COX6B1: variants seen among roughly 807,000 people sequenced by gnomAD.
COX6B1 encodes COX VIb-1.
COX6B1 carries 2 observed loss-of-function variants against 14.0 expected under a neutral mutation model. That is an observed-to-expected ratio of 0.14 (90% CI 0.06 to 0.45). The LOEUF (loss-of-function observed/expected upper bound fraction) is 0.45, where lower values mean the gene tolerates loss of function less well. Among genes scored for constraint, COX6B1 ranks in the 20% least tolerant of loss-of-function variants. The pLI is 0.98. For missense variants in COX6B1, 81 were observed against 114.2 expected, an observed-to-expected ratio of 0.71 and a Z score of 1.33; for synonymous variants, 30 against 39.7, an observed-to-expected ratio of 0.76 and a Z score of 0.92.
chr19:35,652,725 C>T (rs1419536542), intron 2 of COX6B1, among the ~76,000 whole-genome samples: 1 of 151,662 alleles, frequency 6.6e-6, no homozygotes, highest in African/African-American at 2.4e-5. Flanking sequence ...GAATTACAGG[C>T]GTGAGCCACT....
chr19:35,653,135 T>C (rs1474279886), intron 2 of COX6B1, among the ~76,000 whole-genome samples: 10 of 143,124 alleles, frequency 7.0e-5, no homozygotes, highest in Admixed American at 4.2e-4. Context: ...GCCTGGCTAA[T>C]TTTTTTTTTT....
chr19:35,651,783 T>G (rs1967827142), intron 2 of COX6B1, among the ~76,000 whole-genome samples: 1 of 151,976 alleles, frequency 6.6e-6, no homozygotes, highest in Non-Finnish European at 1.5e-5. Flanking sequence ...CAGGCTGGTC[T>G]CAAACTCTTG....
chr19:35,656,346 A>G lies in COX6B1; in HGVS notation c.207+1675A>G, dbSNP rs549848572. 2.6e-5 allele frequency among the ~76,000 whole-genome samples: 4 copies of G among 152,326 alleles called. No homozygotes were observed. The East Asian group carries it at 7.7e-4, about 29-fold the overall frequency. ...CAGAAAGAATGCTAAGACACAGGAA[A>G]AGTAAGTTGCAGAACAATCTATATA... On this transcript the variant is annotated intron_variant, in intron 3 of 3. Coordinates refer to ENST00000649813, the MANE Select transcript of COX6B1 (RefSeq NM_001863.5).
chr19:35,648,762 A>G, intron 1 of COX6B1: 1 of 502,348 alleles, frequency 2.0e-6, no homozygotes, highest in Non-Finnish European at 4.1e-6. Context: ...CTTCATGGCT[A>G]ATTCACAGGC....
chr19:35,657,223 G>T lies in COX6B1; in HGVS notation c.208-1371G>T, dbSNP rs886498578. On this transcript the variant is annotated intron_variant, in intron 3 of 3. Transcript: ENST00000649813. ...TGCAACTAGATGGTCCCATCTGGGG[G>T]TGATGGGAGATAGTGACAGATCATC... 2.6e-5 allele frequency among the ~76,000 whole-genome samples: 4 copies of T among 151,652 alleles called. No homozygotes were observed. The Admixed American group carries it at 2.6e-4, about 10-fold the overall frequency.
chr19:35,657,661 T>TC (rs1474371805), intron 3 of COX6B1, among the ~76,000 whole-genome samples: 61 of 149,268 alleles, frequency 4.1e-4, no homozygotes, highest in Non-Finnish European at 8.3e-4. Flanking sequence ...TTTTTTTTTT[T>TC]TTTTTTTTTT....
intron 3 of COX6B1, among the ~76,000 whole-genome samples, chr19:35,655,579 G>A (rs147124613): frequency 7.3e-5 from 11 of 151,200 alleles, no homozygotes; most frequent in African/African-American, 2.2e-4. Flanking sequence ...CAAATCTGTC[G>A]TCAATATTTA....
chr19:35,648,439 T>G (rs1327940767), intron 1 of COX6B1, 36 bp downstream of exon 1: 3 of 203,192 alleles, frequency 1.5e-5, no homozygotes, highest in African/African-American at 7.1e-5. Context: ...GGGACCCCAG[T>G]CTAGCGGGCT....
chr19:35,649,733 G>T (rs955683751), intron 1 of COX6B1, among the ~76,000 whole-genome samples: 1 of 151,884 alleles, frequency 6.6e-6, no homozygotes, highest in Admixed American at 6.6e-5. Flanking sequence ...ACCCACCTCG[G>T]CTTCCCAAAG....
chr19:35,648,850 G>A (rs1967789956), intron 1 of COX6B1: 1 of 533,362 alleles, frequency 1.9e-6, no homozygotes, highest in Non-Finnish European at 3.8e-6. Context: ...ACGTTGGAGG[G>A]GCCGCAGCGT....
chr19:35,648,802 G>C (rs896715963), intron 1 of COX6B1: 1 of 530,646 alleles, frequency 1.9e-6, no homozygotes, highest in African/African-American at 1.9e-5. Flanking sequence ...CTGGGCCGCA[G>C]CCTGGCTCCC....
At chr19:35,651,400 C>G in intron 2 of COX6B1, 51 bp downstream of exon 2, 1 of 1,428,120 alleles carries the variant, frequency 7.0e-7, no homozygotes, top group Non-Finnish European at 9.9e-7. Flanking sequence ...CACCGCTTGC[C>G]TCTTCCTAGG....
rs375338313 is a variant in COX6B1, at chr19:35,658,580, C to T, written c.208-14C>T. On this transcript the variant is annotated splice_polypyrimidine_tract_variant and intron_variant, in intron 3 of 3. Transcript: ENST00000649813. ...TTTCCCCACTGCGGAGGGAATAACA[C>T]TGTCTTTCCACAGGTCACAGACTGG... The T allele has an allele frequency of 7.4e-6, 12 of 1,612,452 alleles. No individual in the cohort carries two copies. The African/African-American group carries it at 9.3e-5, about 13-fold the overall frequency.
intron 3 of COX6B1, among the ~76,000 whole-genome samples, 198 bp downstream of exon 3, chr19:35,654,869 C>T (rs980538176): frequency 1.3e-5 from 2 of 152,146 alleles, no homozygotes; most frequent in African/African-American, 4.8e-5. Context: ...CCAGTCAGGG[C>T]TCTCAGCTGA....
chr19:35,649,770 T>C (rs746148619), intron 1 of COX6B1, among the ~76,000 whole-genome samples: 40 of 151,608 alleles, frequency 2.6e-4, no homozygotes, highest in Non-Finnish European at 5.2e-4. Flanking sequence ...GTGAGCCACC[T>C]CTTCCGGCCA....
chr19:35,650,816 C>T (rs958408965), intron 1 of COX6B1, among the ~76,000 whole-genome samples: 1 of 152,072 alleles, frequency 6.6e-6, no homozygotes, highest in African/African-American at 2.4e-5. Flanking sequence ...ATGCCAACAA[C>T]GGAGGCAGCC....
Position 35,651,286 on chromosome 19 carries a change from G to A in COX6B1, c.43G>A (p.Ala15Thr), listed in dbSNP as rs895929428. The A allele has an allele frequency of 3.1e-6, 5 of 1,613,962 alleles. No homozygotes were observed. The highest frequency in any genetic ancestry group is 3.3e-5 in the Admixed American group (2 of 59,990). ...METKIKNYKTAPFDSRFPNQN... is the reference protein window; with the variant it reads ...METKIKNYKTTPFDSRFPNQN... ...GACCAAAATCAAGAACTACAAGACC[G>A]CCCCTTTTGACAGCCGCTTCCCCAA... The change falls in exon 2 of 4, where the codon GCC (alanine) becomes ACC (threonine). Residue 15 changes from alanine to threonine, a missense_variant. Coordinates refer to ENST00000649813, the MANE Select transcript of COX6B1 (RefSeq NM_001863.5).
chr19:35,650,027 G>T (rs190650849), intron 1 of COX6B1, among the ~76,000 whole-genome samples: 9 of 147,780 alleles, frequency 6.1e-5, no homozygotes, highest in African/African-American at 2.3e-4. Context: ...TTTTGAGACA[G>T]TGTTTTTGCT....
chr19:35,653,700 C>T (rs1967855875), intron 2 of COX6B1, among the ~76,000 whole-genome samples: 1 of 151,798 alleles, frequency 6.6e-6, no homozygotes, highest in Non-Finnish European at 1.5e-5. Context: ...CCTGCCTCAG[C>T]CTCCCGAGTA....
Sources: gnomAD v4.1 joint callset for allele counts (sites outside exome capture counted in the v4.1 genomes callset) on GRCh38, gnomAD v4.1.1 for gene constraint, MANE v1.5 for transcripts, NCBI Gene and HGNC (gene_info 2026-07-23, HGNC 2026-07-21) for gene names.